NR3C2: variants seen among roughly 807,000 people sequenced by gnomAD.
NR3C2 encodes the protein mineralocorticoid receptor.
NR3C2 carries 15 observed loss-of-function variants against 86.4 expected under a neutral mutation model. The ratio of observed to expected loss-of-function variants is 0.17; its 90% CI spans 0.12 to 0.27. The LOEUF (loss-of-function observed/expected upper bound fraction) is 0.27. Among genes scored for constraint, NR3C2 ranks in the 10% least tolerant of loss-of-function variants. The pLI, the probability that NR3C2 is intolerant of heterozygous loss-of-function variation, is 1.00. For synonymous variants in NR3C2, 458 were observed against 450.5 expected, an observed-to-expected ratio of 1.02 and a Z score of -0.21; for missense variants, 960 against 1,195.6, an observed-to-expected ratio of 0.80 and a Z score of 2.91.
At chr4:148,114,999 G>T (rs538912132) in intron 7 of NR3C2, among the ~76,000 whole-genome samples, 1 of 152,294 alleles carries the variant, frequency 6.6e-6, no homozygotes, top group Admixed American at 6.5e-5. Context: ...TATCTCTGAG[G>T]TATTGGCAAG....
chr4:148,288,092 C>T (rs183136606), intron 2 of NR3C2, among the ~76,000 whole-genome samples: 58 of 152,272 alleles, frequency 3.8e-4, no homozygotes, highest in African/African-American at 1.3e-3. Context: ...ACCCAGCTCT[C>T]ATTACTGCTG....
At chr4:148,142,543 G>T (rs373885305) in intron 6 of NR3C2, among the ~76,000 whole-genome samples, 1 of 152,178 alleles carries the variant, frequency 6.6e-6, no homozygotes, top group Non-Finnish European at 1.5e-5. Flanking sequence ...CACCCAGGCT[G>T]GAGTGCAGTG....
chr4:148,303,725 A>G (rs1478925277), intron 2 of NR3C2, among the ~76,000 whole-genome samples: 1 of 152,230 alleles, frequency 6.6e-6, no homozygotes, highest in Non-Finnish European at 1.5e-5. Flanking sequence ...TAAAAGGCAC[A>G]GCGCAAGTGA....
At chr4:148,353,466 C>G (rs1299660406) in intron 2 of NR3C2, among the ~76,000 whole-genome samples, 1 of 151,990 alleles carries the variant, frequency 6.6e-6, no homozygotes, top group Non-Finnish European at 1.5e-5. Flanking sequence ...CACATATATA[C>G]ATTTTCTAGA....
intron 2 of NR3C2, among the ~76,000 whole-genome samples, chr4:148,270,275 C>T (rs936145275): frequency 6.6e-6 from 1 of 152,172 alleles, no homozygotes; most frequent in Non-Finnish European, 1.5e-5. Flanking sequence ...GTACTGCCCT[C>T]TCAATCCACC....
At chr4:148,439,099 T>C (rs987783775) in intron 1 of NR3C2, among the ~76,000 whole-genome samples, 13 of 152,174 alleles carry the variant, frequency 8.5e-5, no homozygotes, top group Admixed American at 7.9e-4. Context: ...AAGTAAAAGC[T>C]GATAGAAAAC....
chr4:148,121,132 C>T (rs1009465515), intron 6 of NR3C2, among the ~76,000 whole-genome samples: 3 of 152,270 alleles, frequency 2.0e-5, no homozygotes, highest in African/African-American at 4.8e-5. Flanking sequence ...GAAAGAGACA[C>T]TATTGGTGAA....
At chr4:148,444,426 T>C, upstream of NR3C2, 1 of 986,218 alleles carries the variant, frequency 1.0e-6, no homozygotes, top group South Asian at 4.7e-5. Flanking sequence ...ACCCGCGCCC[T>C]CTGCCCTGGG....
At chr4:148,184,311 T>C (rs62331990) in intron 4 of NR3C2, among the ~76,000 whole-genome samples, 1 of 145,954 alleles carries the variant, frequency 6.9e-6, no homozygotes, top group Non-Finnish European at 1.5e-5. Context: ...AAAAAAAAAT[T>C]AGCTTGGTGT....
intron 4 of NR3C2, among the ~76,000 whole-genome samples, chr4:148,193,359 G>A (rs533259406): frequency 3.7e-4 from 56 of 152,304 alleles, no homozygotes; most frequent in African/African-American, 1.2e-3. Context: ...GGAGCAGTCC[G>A]CTTCCTTCAG....
intron 2 of NR3C2, among the ~76,000 whole-genome samples, chr4:148,407,474 G>T: frequency 6.6e-6 from 1 of 151,914 alleles, no homozygotes; most frequent in African/African-American, 2.4e-5. Context: ...GTTTTGATTG[G>T]TTTACTTTTG....
At chr4:148,261,289 T>TGGTGCGCTAC (rs1184019312) in intron 2 of NR3C2, among the ~76,000 whole-genome samples, 1 of 115,664 alleles carries the variant, frequency 8.6e-6, no homozygotes, top group East Asian at 2.8e-4. Context: ...GTAAGCGCTA[T>TGGTGCGCTAC]GGTAAGTGCT....
chr4:148,361,069 A>G (rs538965085), intron 2 of NR3C2, among the ~76,000 whole-genome samples: 6 of 152,188 alleles, frequency 3.9e-5, no homozygotes, highest in Non-Finnish European at 2.9e-5. Flanking sequence ...AAGACCATGT[A>G]TTAATTATGG....
chr4:148,283,876 C>T (rs1235932853), intron 2 of NR3C2, among the ~76,000 whole-genome samples: 2 of 152,192 alleles, frequency 1.3e-5, no homozygotes, highest in South Asian at 2.1e-4. Context: ...TTCAAAAGGA[C>T]ATGAACTCTT....
chr4:148,405,821 A>G lies in NR3C2; in HGVS notation c.1757+29283T>C, dbSNP rs561424828. Among the ~76,000 whole-genome samples, 9 of 152,288 alleles carry G rather than the reference A, an allele frequency of 5.9e-5. No homozygotes were observed. In the South Asian group the frequency reaches 1.5e-3, roughly 25 times the overall value. ...CACTGGCCTTGCTGGCCTTGCCACT[A>G]TTCTCCAACTCAGACTTCCTAAGTC... On this transcript the variant is annotated intron_variant, in intron 2 of 8. Coordinates refer to ENST00000358102, the MANE Select transcript of NR3C2 (RefSeq NM_000901.5).
intron 6 of NR3C2, among the ~76,000 whole-genome samples, chr4:148,146,955 C>T (rs1733898499): frequency 6.6e-6 from 1 of 152,040 alleles, no homozygotes; most frequent in South Asian, 2.1e-4. Context: ...AAAAAAAAGT[C>T]ATTACAGGCT....
At chr4:148,220,036 C>T (rs1263351818) in intron 3 of NR3C2, among the ~76,000 whole-genome samples, 1 of 152,102 alleles carries the variant, frequency 6.6e-6, no homozygotes, top group Non-Finnish European at 1.5e-5. Flanking sequence ...AGCTCTCACA[C>T]CTCAGCCTCC....
chr4:148,163,848 AG>A lies in NR3C2; in HGVS notation c.2015-8948del, dbSNP rs1578959989. On this transcript the variant is annotated intron_variant, in intron 4 of 8. Coordinates refer to ENST00000358102, the MANE Select transcript of NR3C2 (RefSeq NM_000901.5). ...GGTACTGTGTTATCACCATGTACAG[AG>A]GGGTAAAGTGACTTATGCAATAACT... Among the ~76,000 whole-genome samples, 3 of 152,304 alleles carry A rather than the reference AG, an allele frequency of 2.0e-5. No homozygotes were observed. In the East Asian group the frequency reaches 5.8e-4, roughly 29 times the overall value.
intron 2 of NR3C2, among the ~76,000 whole-genome samples, chr4:148,307,158 A>T (rs974186832): frequency 9.6e-5 from 8 of 82,912 alleles, no homozygotes; most frequent in African/African-American, 3.9e-4. Context: ...TTACATTATT[A>T]GGTTAAAAAT....
Sources: allele counts gnomAD v4.1 joint callset (sites outside exome capture counted in the v4.1 genomes callset), GRCh38; gene constraint gnomAD v4.1.1; transcripts MANE v1.5; gene names NCBI Gene and HGNC (gene_info 2026-07-23, HGNC 2026-07-21).